Variants in AKAP9 observed in about 807,000 individuals in gnomAD.
AKAP9 encodes the protein A-kinase anchoring protein 9.
AKAP9 carries 311 observed loss-of-function variants against 488.5 expected under a neutral mutation model. The ratio of observed to expected loss-of-function variants is 0.64; its 90% CI spans 0.58 to 0.70. AKAP9 has a LOEUF of 0.70. AKAP9 is among the 30% of genes least tolerant of loss of function. AKAP9 has a pLI of 0.00. For synonymous variants in AKAP9, 1,462 were observed against 1,483.5 expected, an observed-to-expected ratio of 0.99 and a Z score of 0.33; for missense variants, 4,215 against 4,374.5, an observed-to-expected ratio of 0.96 and a Z score of 1.03.
chr7:92,109,000 C>T (rs1174710415), intron 49 of AKAP9: 6 of 365,056 alleles, frequency 1.6e-5, no homozygotes, highest in African/African-American at 8.3e-5. Context: ...GTGGTAAGGC[C>T]GTGCCGCAGC....
rs774285128 is a variant in AKAP9 at position 92,003,282 on chromosome 7, A to G, written c.3318+47A>G. 3.6e-6 allele frequency: 5 copies of G among 1,388,282 alleles called. No individual in the cohort carries two copies. In the African/African-American group the frequency reaches 7.1e-5, roughly 20 times the overall value. 86.0% of individuals were successfully genotyped at this position (1,388,282 alleles called of 1,614,324 possible). ...TGGTAAAGCACAATGAAAAAAATGTACATTTCACACTAAGGTTTCACCTTC... is the reference window on the plus strand; with the variant it reads ...TGGTAAAGCACAATGAAAAAAATGTGCATTTCACACTAAGGTTTCACCTTC... On this transcript the variant is annotated intron_variant, in intron 8 of 49. Transcript: ENST00000356239.
At chr7:92,029,173 T>G (rs1803809523) in intron 14 of AKAP9, among the ~76,000 whole-genome samples, 1 of 151,652 alleles carries the variant, frequency 6.6e-6, no homozygotes, top group African/African-American at 2.4e-5. Flanking sequence ...TTTTATGACC[T>G]AAGTTAAGCG....
intron 2 of AKAP9, among the ~76,000 whole-genome samples, chr7:91,978,846 T>G (rs1309965336): frequency 6.6e-6 from 1 of 151,658 alleles, no homozygotes; most frequent in Non-Finnish European, 1.5e-5. Context: ...AAGCTCTCCC[T>G]TCCAGGCCCA....
At chr7:92,084,576 A>T in intron 33 of AKAP9, 64 bp from the exon 34 acceptor site, 1 of 1,215,658 alleles carries the variant, frequency 8.2e-7, no homozygotes, top group Non-Finnish European at 1.2e-6. Flanking sequence ...CCAGCAAAAT[A>T]ATTCATTGTA....
intron 1 of AKAP9, among the ~76,000 whole-genome samples, chr7:91,966,061 A>G (rs1289022472): frequency 6.6e-6 from 1 of 151,948 alleles, no homozygotes; most frequent in African/African-American, 2.4e-5. Flanking sequence ...TAAATTATTT[A>G]TTTTTTGTAG....
intron 2 of AKAP9, among the ~76,000 whole-genome samples, chr7:91,978,960 T>C (rs1306913167): frequency 5.8e-5 from 7 of 120,774 alleles, no homozygotes; most frequent in Admixed American, 3.5e-4. Flanking sequence ...TTTTTTTTAG[T>C]AAAGACGAGA....
intron 45 of AKAP9, 115 bp downstream of exon 45, chr7:92,101,171 T>A (rs1817458253): frequency 9.9e-7 from 1 of 1,007,820 alleles, no homozygotes; most frequent in Non-Finnish European, 1.4e-6. Context: ...GCACAGTGGT[T>A]CACGCCTATA....
chr7:91,999,461 A>T (rs1032617620), intron 7 of AKAP9, among the ~76,000 whole-genome samples: 2 of 152,184 alleles, frequency 1.3e-5, no homozygotes, highest in Non-Finnish European at 2.9e-5. Context: ...TAAGATTATT[A>T]ATTTACAATG....
intron 43 of AKAP9, among the ~76,000 whole-genome samples, 154 bp downstream of exon 43, chr7:92,098,368 TC>T (rs975695648): frequency 2.6e-5 from 4 of 152,182 alleles, no homozygotes; most frequent in Non-Finnish European, 5.9e-5. Flanking sequence ...ATGCTTGCTT[TC>T]CCCCAAGAGA....
In AKAP9 at chr7:92,077,755, C is replaced by A. The variant is rs1198654466; in HGVS notation, c.6825C>A (p.Asp2275Glu). The stretch of plus-strand genomic sequence containing the variant: ...AATCTGATGCCATGTCTACTCAAGA[C>A]CAACATGTGCTATTTGGGAAATTTG... Reference protein sequence around the residue: ...IKESDAMSTQDQHVLFGKFAQ... With the variant: ...IKESDAMSTQEQHVLFGKFAQ... The change falls in exon 30 of 50, where the codon GAC becomes GAA. Residue 2275 changes from aspartate (D) to glutamate (E), a missense_variant. Physicochemically the swap from Asp to Glu is conservative, Grantham distance 45. Coordinates refer to ENST00000356239, the MANE Select transcript of AKAP9 (RefSeq NM_005751.5). The A allele has an allele frequency of 6.2e-7, 1 of 1,613,566 alleles. No homozygotes were observed. The highest frequency in any genetic ancestry group is 8.5e-7 in the Non-Finnish European group (1 of 1,179,884).
Position 92,002,108 on chromosome 7 carries a change from C to T in AKAP9, c.2191C>T (p.Leu731Phe), listed in dbSNP as rs778745354. The T allele has an allele frequency of 1.3e-6, 2 of 1,593,976 alleles. No homozygotes were observed. Among genetic ancestry groups the T allele is most frequent in the East Asian group, 2.2e-5 (1 of 44,696 alleles). Residue 731 changes from leucine to phenylalanine, a missense_variant, in exon 8 of 50, where the codon CTC becomes TTC. By Grantham distance (22) the Leu-to-Phe change is conservative. This residue lies in a region of AKAP9 where 2,361 missense variants were observed against 2,430.0 expected (regional missense o/e 0.97). Transcript: ENST00000356239. ...INELQKEIEI[L>F]RQEEKEKGTL... ...TGAACTTCAAAAAGAAATTGAAATA[C>T]TCAGACAAGAAGAAAAAGAAAAGGG...
At chr7:92,060,442 G>C (rs989029053) in intron 22 of AKAP9, among the ~76,000 whole-genome samples, 9 of 152,056 alleles carry the variant, frequency 5.9e-5, no homozygotes, top group African/African-American at 2.2e-4. Context: ...TAACAGATAA[G>C]CAGGTGCTGA....
chr7:92,049,222 A>G (rs1807503829), intron 21 of AKAP9, among the ~76,000 whole-genome samples: 1 of 152,202 alleles, frequency 6.6e-6, no homozygotes. Context: ...CTATTTACCA[A>G]ACTGGATGTT....
rs189116942 is a variant in AKAP9, at chr7:91,981,869, G to T, written c.351+1536G>T. ...TCTACCCACCTCTGCCTCCCGAAGTGCTGGGATTACAGGTGTAAGCCACCG... is the reference window on the plus strand; with the variant it reads ...TCTACCCACCTCTGCCTCCCGAAGTTCTGGGATTACAGGTGTAAGCCACCG... On this transcript the variant is annotated intron_variant, in intron 3 of 49. Coordinates refer to ENST00000356239, the MANE Select transcript of AKAP9 (RefSeq NM_005751.5). 2.4e-3 allele frequency among the ~76,000 whole-genome samples: 369 copies of T among 152,246 alleles called. 3 individuals are homozygous for T. The highest frequency in any genetic ancestry group is 8.5e-3 in the African/African-American group (352 of 41,564).
At position 91,992,143 on chromosome 7, in the gene AKAP9, A is replaced by G. The variant is rs1195831370; in HGVS notation, c.352-15A>G. The G allele has an allele frequency of 3.1e-6, 5 of 1,592,438 alleles. No individual in the cohort carries two copies. The highest frequency in any genetic ancestry group is 4.3e-6 in the Non-Finnish European group (5 of 1,160,414). ...GTCTAAGATCATAATATATCAGGAA[A>G]TTGTTTTTATACAGGTAAATGGTTG... On this transcript the variant is annotated splice_polypyrimidine_tract_variant and intron_variant, in intron 3 of 49. Coordinates refer to ENST00000356239, the MANE Select transcript of AKAP9 (RefSeq NM_005751.5).
intron 3 of AKAP9, among the ~76,000 whole-genome samples, chr7:91,981,794 C>T (rs1436305378): frequency 6.6e-5 from 10 of 151,738 alleles, no homozygotes; most frequent in Admixed American, 2.6e-4. Context: ...TTAGTAGAGA[C>T]GGGGTTTCAC....
intron 39 of AKAP9, among the ~76,000 whole-genome samples, chr7:92,094,722 A>G (rs534225040): frequency 6.6e-6 from 1 of 152,188 alleles, no homozygotes; most frequent in Admixed American, 6.5e-5. Context: ...AGTCCCAGCT[A>G]CCCGGGAGGC....
chr7:91,999,748 T>C (rs922119902), intron 7 of AKAP9, among the ~76,000 whole-genome samples: 5 of 152,212 alleles, frequency 3.3e-5, no homozygotes, highest in Non-Finnish European at 7.3e-5. Flanking sequence ...GTAATGTTTT[T>C]TCTAGAGCAA....
chr7:92,076,469 A>G (rs1812606651), intron 28 of AKAP9, among the ~76,000 whole-genome samples: 1 of 152,234 alleles, frequency 6.6e-6, no homozygotes, highest in Non-Finnish European at 1.5e-5. Flanking sequence ...AACAAAACAA[A>G]CAGTTCTACA....
Sources: allele counts gnomAD v4.1 joint callset (sites outside exome capture counted in the v4.1 genomes callset), GRCh38; gene constraint gnomAD v4.1.1; regional missense constraint gnomAD v4.1.1; transcripts MANE v1.5; gene names NCBI Gene and HGNC (gene_info 2026-07-23, HGNC 2026-07-21).